Variants in STAG3 observed in about 807,000 individuals in gnomAD.
The protein encoded by STAG3 is cohesin subunit SA-3.
STAG3 carries 101 observed loss-of-function variants against 160.7 expected under a neutral mutation model. That is an observed-to-expected ratio of 0.63 (90% CI 0.54 to 0.74). The LOEUF (loss-of-function observed/expected upper bound fraction) is 0.74, where lower values mean the gene tolerates loss of function less well. Ranked by LOEUF, STAG3 falls within the 30% of genes least tolerant of loss-of-function variation. The pLI is 0.00. For missense variants in STAG3, 1,188 were observed against 1,517.4 expected (o/e 0.78, Z 3.61); for synonymous variants, 519 against 585.0 (o/e 0.89, Z 1.63).
chr7:100,201,702 C>G, intron 21 of STAG3, 84 bp from the exon 22 acceptor site: 1 of 1,167,060 alleles, frequency 8.6e-7, no homozygotes, highest in Non-Finnish European at 1.3e-6. Flanking sequence ...CTCATTTTCT[C>G]TCCTCTTCAC....
rs1443621544 is a variant in STAG3, at chr7:100,199,549, G to C, written c.1582G>C (p.Asp528His). Reference protein sequence around the residue: ...LLLEKDQNLGDVQESTLIEIL... With the variant: ...LLLEKDQNLGHVQESTLIEIL... ...TCCTCCTGGCACTCCAGACCTGGGT[G>C]ATGTGCAGGAGAGCACACTGATAGA... Residue 528 changes from aspartate to histidine, a missense_variant, in exon 16 of 34, where the codon GAT becomes CAT. This residue lies in a region of STAG3 where 240 missense variants were observed against 358.1 expected (regional missense o/e 0.67). Transcript: ENST00000615138. 1 of 1,603,426 alleles carries C rather than the reference G, an allele frequency of 6.2e-7. No individual in the cohort carries two copies. The highest frequency in any genetic ancestry group is 1.7e-5 in the Admixed American group (1 of 59,132).
At position 100,202,268 on chromosome 7, in the gene STAG3, G is replaced by A. The variant is rs1331198558; in HGVS notation, c.2491G>A (p.Ala831Thr). The A allele has an allele frequency of 6.2e-7, 1 of 1,614,000 alleles. No individual in the cohort carries two copies. Among genetic ancestry groups the A allele is most frequent in the African/African-American group, 1.3e-5 (1 of 74,872 alleles). ...TAGGCCACTTGTCTTTTTTCCTGAA[G>A]CTACTCTCCAGTCTGAGCTAGCCAG... ...FLRPLVFFPEATLQSELASFL... is the reference protein window; with the variant it reads ...FLRPLVFFPETTLQSELASFL... The change falls in exon 24 of 34, where the codon GCT becomes ACT. Residue 831 changes from alanine to threonine, a missense_variant. Coordinates refer to ENST00000615138, the MANE Select transcript of STAG3 (RefSeq NM_001282717.2).
chr7:100,178,325 GCCCTATTCTCATGGCGCCTCCAC>G (rs1208342250), intron 1 of STAG3, among the ~76,000 whole-genome samples: 1 of 152,092 alleles, frequency 6.6e-6, no homozygotes, highest in Admixed American at 6.5e-5. Flanking sequence ...TGCGTTTCCA[GCCCTATTCTCATGGCGCCTCCAC>G]CCCCAAATCC....
chr7:100,205,102 C>A lies in STAG3; in HGVS notation c.3049C>A (p.Pro1017Thr). 1.9e-6 allele frequency: 3 copies of A among 1,614,146 alleles called. No individual in the cohort carries two copies. The highest frequency in any genetic ancestry group is 2.5e-6 in the Non-Finnish European group (3 of 1,180,020). The change falls in exon 28 of 34, where the codon CCC becomes ACC. Residue 1017 changes from proline to threonine, a missense_variant. Around this residue, in one of 4 missense-constraint regions of STAG3, gnomAD observed 647 missense variants for 717.2 expected, o/e 0.90. Transcript: ENST00000615138. ...AFLELLSEFS[P>T]RLFHQDKQLL... ...CCTGGAGCTCCTTTCAGAGTTTTCCCCCCGACTCTTCCATCAGGACAAGCA... is the reference window on the plus strand; with the variant it reads ...CCTGGAGCTCCTTTCAGAGTTTTCCACCCGACTCTTCCATCAGGACAAGCA...
chr7:100,180,285 C>T (rs1411888274), intron 1 of STAG3, among the ~76,000 whole-genome samples: 1 of 151,794 alleles, frequency 6.6e-6, no homozygotes, highest in Non-Finnish European at 1.5e-5. Context: ...GTCTTGAACT[C>T]CTGGGCTCAA....
chr7:100,185,154 C>G (rs1212333124), intron 4 of STAG3, among the ~76,000 whole-genome samples: 1 of 152,100 alleles, frequency 6.6e-6, no homozygotes, highest in African/African-American at 2.4e-5. Context: ...TGGTGATCTT[C>G]CCACCTCAGC....
chr7:100,198,127 T>C lies in STAG3; in HGVS notation c.1205T>C (p.Val402Ala), dbSNP rs759274229. The C allele has an allele frequency of 6.2e-7, 1 of 1,613,986 alleles. No individual in the cohort carries two copies. Among genetic ancestry groups the C allele is most frequent in the South Asian group, 1.1e-5 (1 of 91,080 alleles). ...ATGGTCATGGACAGAGAGTATGATG[T>C]GGCAGTGGAGGCTGTCAGATTACTG... Reference protein sequence around the residue: ...VSMVMDREYDVAVEAVRLLIL... With the variant: ...VSMVMDREYDAAVEAVRLLIL... Residue 402 changes from valine (V) to alanine (A), a missense_variant, in exon 12 of 34, where the codon GTG becomes GCG. By Grantham distance (64) the Val-to-Ala change is moderately conservative (BLOSUM62 0). Transcript: ENST00000615138.
In STAG3 at chr7:100,204,061, C is replaced by G; in HGVS notation, c.2741C>G (p.Thr914Ser). Residue 914 changes from threonine (T) to serine (S), a missense_variant, in exon 26 of 34, where the codon ACT (threonine) becomes AGT (serine). Thr to Ser is a moderately conservative substitution (Grantham distance 58). Coordinates refer to ENST00000615138, the MANE Select transcript of STAG3 (RefSeq NM_001282717.2). ...DYGDIIKETL[T>S]RARQIDRSHC... ...GGTGACATTATCAAGGAAACATTAA[C>G]TAGAGCAAGGCAGATTGACCGAAGT... 1 of 1,614,124 alleles carries G rather than the reference C, an allele frequency of 6.2e-7. No individual in the cohort carries two copies. The highest frequency in any genetic ancestry group is 2.2e-5 in the East Asian group (1 of 44,886).
At chr7:100,183,210 C>T (rs1309787668) in intron 4 of STAG3, among the ~76,000 whole-genome samples, 1 of 152,124 alleles carries the variant, frequency 6.6e-6, no homozygotes, top group African/African-American at 2.4e-5. Context: ...GATGGGGTTT[C>T]GCCATGTTGG....
intron 29 of STAG3, among the ~76,000 whole-genome samples, chr7:100,205,672 A>T (rs1375558413): frequency 2.0e-5 from 3 of 152,142 alleles, no homozygotes; most frequent in African/African-American, 7.2e-5. Flanking sequence ...TCTACTAAAA[A>T]TACAAAAATT....
At chr7:100,213,418 CCAAA>C (rs1426757394) in intron 32 of STAG3, 2 of 985,294 alleles carry the variant, frequency 2.0e-6, no homozygotes, top group East Asian at 1.1e-4. Context: ...GAAGGAGAAA[CCAAA>C]CAATGATACC....
At chr7:100,184,587 C>G (rs981405867) in intron 4 of STAG3, among the ~76,000 whole-genome samples, 3 of 150,506 alleles carry the variant, frequency 2.0e-5, no homozygotes, top group Admixed American at 6.7e-5. Flanking sequence ...CCTGCCTCAG[C>G]CTCCCGAGTA....
At chr7:100,186,166 A>G in intron 4 of STAG3, 34 bp from the exon 5 acceptor site, 2 of 1,542,382 alleles carry the variant, frequency 1.3e-6, no homozygotes, top group Non-Finnish European at 1.8e-6. Flanking sequence ...TCATATTGCC[A>G]GAAACAGAAG....
rs765661190 is a variant in STAG3 at position 100,182,732 on chromosome 7, C to T, written c.229C>T (p.His77Tyr). ...RPPKTTPVAK[H>Y]PKKGSRVVHR... is the part of the protein sequence containing the mutation. ...TTTTTATACATATTAGGTGGCAAAA[C>T]ATCCAAAGAAAGGGTCCCGAGTGGT... is the stretch of plus-strand genomic sequence containing the variant. The change falls in exon 4 of 34, where the codon CAT (histidine) becomes TAT (tyrosine). Residue 77 changes from histidine (H) to tyrosine (Y), a missense_variant. Transcript: ENST00000615138. 7.4e-6 allele frequency: 12 copies of T among 1,613,398 alleles called. No individual in the cohort carries two copies. The highest frequency in any genetic ancestry group is 1.0e-5 in the Non-Finnish European group (12 of 1,179,872).
At chr7:100,189,891 G>T (rs1242041718) in intron 8 of STAG3, among the ~76,000 whole-genome samples, 4 of 151,170 alleles carry the variant, frequency 2.6e-5, no homozygotes, top group African/African-American at 9.8e-5. Context: ...TGCCTGTCAT[G>T]CAGGGAATTA....
chr7:100,209,690 T>C (rs1344253437), intron 29 of STAG3, among the ~76,000 whole-genome samples: 4 of 152,142 alleles, frequency 2.6e-5, no homozygotes, highest in Admixed American at 2.0e-4. Context: ...ATAAGAGAGC[T>C]TCTTAGGCCG....
At chr7:100,217,072 C>G (rs537924733), downstream of STAG3, among the ~76,000 whole-genome samples, 30 of 152,346 alleles carry the variant, frequency 2.0e-4, 1 homozygote, top group Admixed American at 3.9e-4. Flanking sequence ...TCTTCCCTCA[C>G]AATACTGATC....
downstream of STAG3, among the ~76,000 whole-genome samples, chr7:100,217,309 C>T (rs1243458716): frequency 3.9e-5 from 6 of 152,222 alleles, no homozygotes; most frequent in Non-Finnish European, 7.3e-5. Context: ...CAGCCCAGGG[C>T]TCTGGCTTCT....
At chr7:100,198,239 A>G (rs1376260826) in intron 12 of STAG3, 73 bp downstream of exon 12, 4 of 1,429,134 alleles carry the variant, frequency 2.8e-6, no homozygotes, top group African/African-American at 1.4e-5. Flanking sequence ...TCCACCTGTC[A>G]TAGCTGACTC....
Sources: gnomAD v4.1 joint callset for allele counts (sites outside exome capture counted in the v4.1 genomes callset) on GRCh38, gnomAD v4.1.1 for gene constraint, gnomAD v4.1.1 regional missense constraint, MANE v1.5 for transcripts, NCBI Gene and HGNC (gene_info 2026-07-23, HGNC 2026-07-21) for gene names.